Variants in CSMD1 observed in about 807,000 individuals in gnomAD.
CSMD1 encodes CUB and Sushi multiple domains 1.
CSMD1 carries 213 observed loss-of-function variants against 417.5 expected under a neutral mutation model. The observed-to-expected ratio is 0.51, with a 90% CI of 0.46 to 0.57. The LOEUF is 0.57. CSMD1 is among the 20% of genes least tolerant of loss of function. The pLI is 0.00. For synonymous variants in CSMD1, 2,862 were observed against 1,736.8 expected, an observed-to-expected ratio of 1.65 and a Z score of -16.11; for missense variants, 6,923 against 4,529.7, an observed-to-expected ratio of 1.53 and a Z score of -15.17.
intron 7 of CSMD1, among the ~76,000 whole-genome samples, chr8:3,689,228 A>G: frequency 6.6e-6 from 1 of 152,122 alleles, no homozygotes; most frequent in Non-Finnish European, 1.5e-5. Flanking sequence ...CCACCTTCTA[A>G]CTTATCCACA....
intron 3 of CSMD1, among the ~76,000 whole-genome samples, chr8:4,150,842 TAAC>T (rs1470985228): frequency 6.6e-6 from 1 of 151,520 alleles, no homozygotes; most frequent in Admixed American, 6.6e-5. Context: ...AGAATAACCT[TAAC>T]AATATGGATT....
At chr8:4,800,283 T>G (rs1316635580) in intron 1 of CSMD1, among the ~76,000 whole-genome samples, 7 of 151,790 alleles carry the variant, frequency 4.6e-5, no homozygotes, top group Non-Finnish European at 8.8e-5. Context: ...TACAAAAAAT[T>G]AGCTGGGCAT....
intron 2 of CSMD1, among the ~76,000 whole-genome samples, chr8:4,550,203 C>T (rs1797809509): frequency 1.3e-5 from 2 of 151,962 alleles, no homozygotes; most frequent in South Asian, 4.2e-4. Flanking sequence ...TGCAACTTTC[C>T]CTGTACCTCT....
At chr8:3,275,133 A>G (rs904778877) in intron 26 of CSMD1, among the ~76,000 whole-genome samples, 1 of 152,158 alleles carries the variant, frequency 6.6e-6, no homozygotes, top group African/African-American at 2.4e-5. Context: ...GGTAGTGACA[A>G]AATCTCTCAG....
intron 3 of CSMD1, among the ~76,000 whole-genome samples, chr8:4,035,172 G>A (rs180876269): frequency 0.022 from 3,202 of 147,598 alleles, 76 homozygotes; most frequent in East Asian, 0.13. Context: ...ATGGCGTACT[G>A]ATGTTGTAGC....
At chr8:4,561,823 T>C (rs1455819880) in intron 2 of CSMD1, among the ~76,000 whole-genome samples, 2 of 152,218 alleles carry the variant, frequency 1.3e-5, no homozygotes, top group Non-Finnish European at 2.9e-5. Flanking sequence ...ACCTGTTGAC[T>C]GCTGAGGGGA....
intron 3 of CSMD1, among the ~76,000 whole-genome samples, chr8:4,304,013 C>G (rs1236526724): frequency 6.6e-6 from 1 of 152,096 alleles, no homozygotes; most frequent in Admixed American, 6.6e-5. Flanking sequence ...TAGGAAGCGT[C>G]CATAAAAGAA....
chr8:4,402,260 G>A (rs1433968469), intron 3 of CSMD1, among the ~76,000 whole-genome samples: 1 of 151,844 alleles, frequency 6.6e-6, no homozygotes, highest in Non-Finnish European at 1.5e-5. Flanking sequence ...ATCATAAACT[G>A]CAAATCCAAT....
chr8:3,363,944 A>G (rs1036341179), intron 20 of CSMD1, among the ~76,000 whole-genome samples: 41 of 152,174 alleles, frequency 2.7e-4, no homozygotes, highest in Admixed American at 1.8e-3. Flanking sequence ...TTTTTCTACA[A>G]TATTACCGTT....
intron 3 of CSMD1, among the ~76,000 whole-genome samples, chr8:4,365,357 GCAT>G (rs1164726772): frequency 1.3e-5 from 2 of 152,154 alleles, no homozygotes; most frequent in Non-Finnish European, 2.9e-5. Context: ...TCAAAATCAT[GCAT>G]CATTTTTTCA....
chr8:4,700,795 A>G (rs556780829), intron 1 of CSMD1, among the ~76,000 whole-genome samples: 15 of 152,214 alleles, frequency 9.9e-5, no homozygotes, highest in Non-Finnish European at 1.0e-4. Flanking sequence ...GGGAAAGGAT[A>G]TTTCTGTAGA....
In CSMD1 at chr8:4,011,282, T is replaced by A. The variant is rs576196875; in HGVS notation, c.611-13172A>T. Among the ~76,000 whole-genome samples the A allele has an allele frequency of 7.9e-5, 12 of 152,338 alleles. No individual in the cohort carries two copies. In the South Asian group the frequency reaches 2.5e-3, roughly 32 times the overall value. On this transcript the variant is annotated intron_variant, in intron 4 of 69. Transcript: ENST00000635120. Reference sequence around the variant, plus strand: ...TTTCTTCTCTTTCAAAACGACTATTTGTGTTTTTAGTGGAGAATTGCTCTC... The same window carrying A: ...TTTCTTCTCTTTCAAAACGACTATTAGTGTTTTTAGTGGAGAATTGCTCTC...
chr8:4,852,482 C>T (rs118186789), intron 1 of CSMD1, among the ~76,000 whole-genome samples: 2,678 of 152,236 alleles, frequency 0.018, 34 homozygotes, highest in South Asian at 0.037. Flanking sequence ...CCAGTTGAGG[C>T]CTCATCTACA....
intron 2 of CSMD1, among the ~76,000 whole-genome samples, chr8:4,497,432 T>A (rs1043905311): frequency 6.6e-6 from 1 of 152,230 alleles, no homozygotes; most frequent in African/African-American, 2.4e-5. Context: ...TAACCGCTTT[T>A]CAATTTATGC....
chr8:4,608,575 T>A (rs1801003558), intron 2 of CSMD1, among the ~76,000 whole-genome samples: 1 of 152,186 alleles, frequency 6.6e-6, no homozygotes, highest in Non-Finnish European at 1.5e-5. Flanking sequence ...ATCGTCAAGA[T>A]AAGGGATGCG....
At chr8:3,735,799 C>T (rs185721376) in intron 6 of CSMD1, among the ~76,000 whole-genome samples, 1 of 152,266 alleles carries the variant, frequency 6.6e-6, no homozygotes, top group Admixed American at 6.5e-5. Context: ...GCTAATCTGG[C>T]CAATTACACT....
intron 1 of CSMD1, among the ~76,000 whole-genome samples, chr8:4,681,419 C>G (rs1806045797): frequency 6.6e-6 from 1 of 152,186 alleles, no homozygotes; most frequent in Admixed American, 6.5e-5. Context: ...TTTCCATCAT[C>G]TTTACAAAAC....
At chr8:4,365,275 C>T (rs1563097792) in intron 3 of CSMD1, among the ~76,000 whole-genome samples, 3 of 152,130 alleles carry the variant, frequency 2.0e-5, no homozygotes, top group African/African-American at 7.2e-5. Flanking sequence ...TAAAGAAAAA[C>T]TGTAAGTGTA....
rs7818002 is a variant in CSMD1 at position 3,857,962 on chromosome 8, T to C, written c.819-103920A>G. Reference sequence around the variant, plus strand: ...ATAAAGCCTACACTGCATGGTGACTTCTCTGTATAAAATTGTTCGGCATGG... The same window carrying C: ...ATAAAGCCTACACTGCATGGTGACTCCTCTGTATAAAATTGTTCGGCATGG... On this transcript the variant is annotated intron_variant, in intron 5 of 69. Coordinates refer to ENST00000635120, the MANE Select transcript of CSMD1 (RefSeq NM_033225.6). 5.8e-3 allele frequency among the ~76,000 whole-genome samples: 883 copies of C among 152,330 alleles called. 13 individuals carry two copies. The highest frequency in any genetic ancestry group is 0.02 in the African/African-American group (829 of 41,562).
Sources: gnomAD v4.1 joint callset for allele counts (sites outside exome capture counted in the v4.1 genomes callset) on GRCh38, gnomAD v4.1.1 for gene constraint, MANE v1.5 for transcripts, NCBI Gene and HGNC (gene_info 2026-07-23, HGNC 2026-07-21) for gene names.